The following TACC2 variants were observed in gnomAD, a reference collection of about 807,000 sequenced individuals.
The protein encoded by TACC2 is transforming acidic coiled-coil-containing protein 2.
A neutral mutation model predicts 227.3 loss-of-function variants in TACC2; 137 were observed. The observed-to-expected ratio is 0.60, with a 90% CI of 0.52 to 0.69. TACC2 has a LOEUF of 0.69. TACC2 is among the 30% of genes least tolerant of loss of function. The pLI, the probability that TACC2 is intolerant of heterozygous loss-of-function variation, is 0.00. For missense variants in TACC2, 3,470 were observed against 3,694.4 expected, an observed-to-expected ratio of 0.94 and a Z score of 1.57; for synonymous variants, 1,523 against 1,487.5, an observed-to-expected ratio of 1.02 and a Z score of -0.55.
intron 3 of TACC2, among the ~76,000 whole-genome samples, chr10:122,075,756 C>G (rs1468729198): frequency 6.6e-6 from 1 of 152,110 alleles, no homozygotes; most frequent in Admixed American, 6.6e-5. Flanking sequence ...TTGCTTATCG[C>G]AGAATACATG....
At chr10:122,217,240 C>T (rs2095424013) in intron 11 of TACC2, among the ~76,000 whole-genome samples, 1 of 152,014 alleles carries the variant, frequency 6.6e-6, no homozygotes. Context: ...TATTCCTAGG[C>T]CCCATACTGT....
At chr10:122,012,416 C>G (rs1236486863) in intron 1 of TACC2, among the ~76,000 whole-genome samples, 1 of 33,422 alleles carries the variant, frequency 3.0e-5, no homozygotes, top group Non-Finnish European at 5.5e-5. Context: ...AAGACTCCGT[C>G]TCAAAAAAAA....
intron 3 of TACC2, among the ~76,000 whole-genome samples, chr10:122,059,559 C>G (rs1187607030): frequency 3.1e-5 from 2 of 64,012 alleles, no homozygotes; most frequent in Non-Finnish European, 4.4e-5. Context: ...CTGTTCTCTC[C>G]TCTTTTTTTT....
rs182633225 is a variant in TACC2, at chr10:122,082,716, T to G, written c.216T>G (p.Leu72=). The change falls in exon 4 of 23, where the codon CTT becomes CTG. Residue 72 remains leucine (L), a synonymous_variant. Transcript: ENST00000369005. The stretch of plus-strand genomic sequence containing the variant: ...GTTCTGCCAGCCTGGATCCATGCCT[T>G]GTGTCCCCAGAGGTGACTGAGCCAA... ...SESSASLDPC[L]VSPEVTEPRK... is the part of the protein sequence containing the mutation. The G allele has an allele frequency of 6.2e-7, 1 of 1,614,072 alleles. No homozygotes were observed. Among genetic ancestry groups the G allele is most frequent in the African/African-American group, 1.3e-5 (1 of 75,024 alleles).
At chr10:122,239,135 C>G (rs1218874429) in intron 18 of TACC2, among the ~76,000 whole-genome samples, 2 of 152,166 alleles carry the variant, frequency 1.3e-5, no homozygotes, top group Non-Finnish European at 2.9e-5. Flanking sequence ...TCCCAAGTAG[C>G]TGGGATTACA....
intron 1 of TACC2, among the ~76,000 whole-genome samples, chr10:122,002,793 A>C (rs1422091190): frequency 2.0e-5 from 3 of 152,054 alleles, no homozygotes; most frequent in East Asian, 1.9e-4. Flanking sequence ...TAATGTTTAA[A>C]ATTTCTTCCG....
intron 2 of TACC2, among the ~76,000 whole-genome samples, chr10:122,030,929 A>C (rs1470858893): frequency 6.6e-6 from 1 of 151,930 alleles, no homozygotes; most frequent in Non-Finnish European, 1.5e-5. Flanking sequence ...TGCCTCCATA[A>C]TGCTCAGCCT....
chr10:122,176,075 CT>C (rs2093681280), intron 7 of TACC2, among the ~76,000 whole-genome samples: 1 of 68,416 alleles, frequency 1.5e-5, no homozygotes, highest in African/African-American at 4.6e-5. Context: ...GCAAAACCTT[CT>C]CTCTCTCTCT....
intron 8 of TACC2, among the ~76,000 whole-genome samples, chr10:122,202,573 C>T (rs2094903240): frequency 6.7e-6 from 1 of 148,946 alleles, no homozygotes. Context: ...TTAGGTTATT[C>T]CCTGTTTTGG....
At chr10:122,186,892 A>G (rs2094215010) in intron 7 of TACC2, among the ~76,000 whole-genome samples, 1 of 152,208 alleles carries the variant, frequency 6.6e-6, no homozygotes, top group Admixed American at 6.5e-5. Flanking sequence ...CTGTGTGCGA[A>G]GGCAAGGAAA....
rs144955510 is a variant in TACC2 at position 122,042,241 on chromosome 10, G to A, written c.34-8197G>A. 6.7e-3 allele frequency among the ~76,000 whole-genome samples: 1,006 copies of A among 150,096 alleles called. 15 individuals carry two copies. Among genetic ancestry groups the A allele is most frequent in the African/African-American group, 0.022 (897 of 40,752 alleles). ...ATTACAGGCGTAAGCCACTGCACAT[G>A]GCCTTTTCTTCTTCTTTTTGAGAGA... is the stretch of plus-strand genomic sequence containing the variant. On this transcript the variant is annotated intron_variant, in intron 2 of 22. Transcript: ENST00000369005.
intron 1 of TACC2, among the ~76,000 whole-genome samples, chr10:122,002,196 C>A (rs1023859682): frequency 1.3e-5 from 2 of 152,198 alleles, no homozygotes; most frequent in African/African-American, 4.8e-5. Context: ...TACAAGGGTA[C>A]TAATCTCATT....
At chr10:122,077,961 G>A (rs113124191) in intron 3 of TACC2, among the ~76,000 whole-genome samples, 6,316 of 152,086 alleles carry the variant, frequency 0.042, 182 homozygotes, top group South Asian at 0.12. Flanking sequence ...TTGGGAGGCC[G>A]AGGCGGGCAG....
At chr10:122,251,283 T>C (rs1035694770) in intron 22 of TACC2, among the ~76,000 whole-genome samples, 1 of 152,190 alleles carries the variant, frequency 6.6e-6, no homozygotes, top group African/African-American at 2.4e-5. Flanking sequence ...AATATCAAAA[T>C]TGCATTAGAA....
intron 7 of TACC2, among the ~76,000 whole-genome samples, chr10:122,171,931 G>GAC (rs2093493276): frequency 5.3e-5 from 8 of 152,208 alleles, no homozygotes; most frequent in Non-Finnish European, 1.0e-4. Context: ...TCTCCTTGGG[G>GAC]ATGTTCTAGA....
intron 5 of TACC2, among the ~76,000 whole-genome samples, chr10:122,107,354 C>T (rs1394622520): frequency 1.3e-5 from 2 of 151,820 alleles, no homozygotes; most frequent in South Asian, 2.1e-4. Context: ...TTTGGGAGGC[C>T]GAGGCAGGTG....
chr10:122,084,929 G>A lies in TACC2; in HGVS notation c.2429G>A (p.Gly810Glu), dbSNP rs147171017. 9.7e-5 allele frequency: 157 copies of A among 1,614,108 alleles called. No homozygotes were observed. The African/African-American group carries it at 1.8e-3, about 18-fold the overall frequency. The stretch of plus-strand genomic sequence containing the variant: ...CAGCAGGGAATCCCATCCTGCCCAG[G>A]GGAAGGCTGGATAAGAGGAGCTGCA... ...QDQQGIPSCP[G>E]EGWIRGAASE... The change falls in exon 4 of 23, where the codon GGG (glycine) becomes GAG (glutamate). Residue 810 changes from glycine (G) to glutamate (E), a missense_variant. This residue lies in a region of TACC2 where 1,924 missense variants were observed against 1,978.3 expected (regional missense o/e 0.97). Coordinates refer to ENST00000369005, the MANE Select transcript of TACC2 (RefSeq NM_206862.4).
In TACC2 at chr10:122,210,006, G is replaced by A. The variant is rs544664587; in HGVS notation, c.5972-391G>A. The A allele has an allele frequency of 3.6e-5, 8 of 220,190 alleles. No homozygotes were observed. In the East Asian group the frequency reaches 6.7e-4, roughly 18 times the overall value. 13.6% of individuals were successfully genotyped at this position (220,190 alleles called of 1,614,324 possible). ...CATGCCCGGCCCTGGTGGTTTATTC[G>A]CTATCTTCCCCTGAAGAATGTGACT... On this transcript the variant is annotated intron_variant, in intron 8 of 22. Transcript: ENST00000369005. The surrounding 1 kb of genome is among the most constrained non-coding windows in gnomAD (Gnocchi z 4.6).
Position 122,084,841 on chromosome 10 carries a change from C to T in TACC2, c.2341C>T (p.Pro781Ser), listed in dbSNP as rs762964320. 30 of 1,613,562 alleles carry T rather than the reference C, an allele frequency of 1.9e-5. No homozygotes were observed. The highest frequency in any genetic ancestry group is 2.7e-5 in the African/African-American group (2 of 74,922). ...RQEFHAGVPH[P>S]PQGENLAADL... ...GGAATTTCATGCTGGGGTGCCACAT[C>T]CCCCCCAGGGGGAGAACTTGGCAGC... Residue 781 changes from proline to serine, a missense_variant, in exon 4 of 23, where the codon CCC becomes TCC. By Grantham distance (74) the Pro-to-Ser change is moderately conservative (BLOSUM62 -1). Coordinates refer to ENST00000369005, the MANE Select transcript of TACC2 (RefSeq NM_206862.4).
Sources: gnomAD v4.1 joint callset for allele counts (sites outside exome capture counted in the v4.1 genomes callset) on GRCh38, gnomAD v4.1.1 for gene constraint, gnomAD v4.1.1 regional missense constraint, Gnocchi (gnomAD v3.1) non-coding constraint, MANE v1.5 for transcripts, NCBI Gene and HGNC (gene_info 2026-07-23, HGNC 2026-07-21) for gene names.